CDYL: variants seen among roughly 807,000 people sequenced by gnomAD.
The protein encoded by CDYL is chromodomain Y-like protein.
A neutral mutation model predicts 47.3 loss-of-function variants in CDYL; 8 were observed. The observed-to-expected ratio is 0.17, with a 90% CI of 0.10 to 0.31. The LOEUF (loss-of-function observed/expected upper bound fraction) is 0.31, where lower values mean the gene tolerates loss of function less well. Among genes scored for constraint, CDYL ranks in the 10% least tolerant of loss-of-function variants. The pLI is 1.00. For missense variants in CDYL, 471 were observed against 701.4 expected, an observed-to-expected ratio of 0.67 and a Z score of 3.71; for synonymous variants, 266 against 265.0, an observed-to-expected ratio of 1.00 and a Z score of -0.04.
rs1220969716 is a variant in CDYL at position 4,788,480 on chromosome 6, C to CAAAAAAAAAAAAAAAAA, written c.24+11679_24+11695dup. 2.5e-3 allele frequency among the ~76,000 whole-genome samples: 153 copies of CAAAAAAAAAAAAAAAAA among 61,062 alleles called. 6 individuals are homozygous for CAAAAAAAAAAAAAAAAA. The highest frequency in any genetic ancestry group is 3.3e-3 in the Non-Finnish European group (118 of 36,226). 40.1% of individuals were successfully genotyped at this position (61,062 alleles called of 152,430 possible). Reference sequence around the variant, plus strand: ...CCTGGGTGACAGAGTGAGACTCTGTCAAAAAAAAAAAAAAAAAAAAAAGGC... The same window carrying CAAAAAAAAAAAAAAAAA: ...CCTGGGTGACAGAGTGAGACTCTGTCAAAAAAAAAAAAAAAAAAAAAAAAAAAAAAAAAAAAAAAGGC... On this transcript the variant is annotated intron_variant, in intron 1 of 6. Coordinates refer to ENST00000397588, the MANE Select transcript of CDYL (RefSeq NM_004824.4).
intron 1 of CDYL, among the ~76,000 whole-genome samples, chr6:4,855,490 G>A (rs139457130): frequency 6.6e-6 from 1 of 152,210 alleles, no homozygotes; most frequent in East Asian, 1.9e-4. Flanking sequence ...TTTAAGCCCA[G>A]GGTCCCTTCT....
At chr6:4,775,623 G>A (rs1038809859), upstream of CDYL, among the ~76,000 whole-genome samples, 1 of 151,334 alleles carries the variant, frequency 6.6e-6, no homozygotes, top group African/African-American at 2.4e-5. This position sits in a 1 kb window ranked among gnomAD's most constrained non-coding sequence, Gnocchi z 7.0. Context: ...AGGCAGCCGC[G>A]CCCTCGCGCC....
intron 5 of CDYL, among the ~76,000 whole-genome samples, chr6:4,944,021 C>G (rs754236639): frequency 2.3e-4 from 35 of 152,270 alleles, no homozygotes; most frequent in Middle Eastern, 3.4e-3. Flanking sequence ...AGTAACCCAA[C>G]CAACAATTTG....
chr6:4,725,102 G>A (rs577084123), intron 2 of CDYL, among the ~76,000 whole-genome samples: 49 of 152,278 alleles, frequency 3.2e-4, no homozygotes, highest in African/African-American at 1.2e-3. Flanking sequence ...GTCGATTGCT[G>A]CATTCACAAA....
chr6:4,942,720 A>T (rs1377473852), intron 4 of CDYL, among the ~76,000 whole-genome samples: 1 of 152,186 alleles, frequency 6.6e-6, no homozygotes, highest in Admixed American at 6.5e-5. Context: ...AAAGCAGCCT[A>T]CTTTTCCAGC....
At chr6:4,849,354 T>A (rs1352511680) in intron 1 of CDYL, among the ~76,000 whole-genome samples, 2 of 152,180 alleles carry the variant, frequency 1.3e-5, no homozygotes, top group Admixed American at 6.5e-5. Context: ...TTTGGCAAAA[T>A]GAGTCTTTAT....
At chr6:4,828,019 A>T (rs551103816) in intron 1 of CDYL, among the ~76,000 whole-genome samples, 1 of 152,170 alleles carries the variant, frequency 6.6e-6, no homozygotes, top group African/African-American at 2.4e-5. Flanking sequence ...ATACAGTACT[A>T]CTGGCTTTTA....
At position 4,935,519 on chromosome 6, in the gene CDYL, A is replaced by G. The variant is rs776176094; in HGVS notation, c.696A>G (p.Thr232=). ...ATGLAVNGKG[T]SPFMDALTAN... is the part of the protein sequence containing the mutation. ...GTGATTTCAAACTCTCGGCAGGTAC[A>G]TCTCCGTTCATGGATGCATTAACAG... Residue 232 remains threonine (T), a synonymous_variant, in exon 3 of 7, where the codon ACA becomes ACG. Coordinates refer to ENST00000397588, the MANE Select transcript of CDYL (RefSeq NM_004824.4). 8 of 1,613,928 alleles carry G rather than the reference A, an allele frequency of 5.0e-6. No individual in the cohort carries two copies. In the Admixed American group the frequency reaches 8.3e-5, roughly 17 times the overall value.
intron 3 of CDYL, among the ~76,000 whole-genome samples, chr6:4,765,643 A>C (rs1758241442): frequency 6.6e-6 from 1 of 151,498 alleles, no homozygotes; most frequent in Non-Finnish European, 1.5e-5. Flanking sequence ...AGCTCTCTGC[A>C]ACCTCTGCCT....
chr6:4,943,945 A>G, intron 5 of CDYL, 189 bp downstream of exon 5: 1 of 501,424 alleles, frequency 2.0e-6, no homozygotes, highest in East Asian at 3.0e-5. Flanking sequence ...GAAGGACTTC[A>G]TTCACTGAGG....
intron 3 of CDYL, among the ~76,000 whole-genome samples, chr6:4,744,068 C>G (rs1757843326): frequency 6.6e-6 from 1 of 152,082 alleles, no homozygotes; most frequent in Admixed American, 6.6e-5. Context: ...ACCCAGAAGT[C>G]TGCAGAGGCT....
chr6:4,834,670 T>G (rs1475338347), intron 1 of CDYL, among the ~76,000 whole-genome samples: 2 of 152,174 alleles, frequency 1.3e-5, no homozygotes, highest in Non-Finnish European at 2.9e-5. Flanking sequence ...GCAGAGTGTT[T>G]TCCAACTTGA....
chr6:4,904,833 G>C (rs528800458), intron 2 of CDYL, among the ~76,000 whole-genome samples: 3 of 152,176 alleles, frequency 2.0e-5, no homozygotes, highest in Non-Finnish European at 4.4e-5. Context: ...CTTAGGACCC[G>C]TGTTAGCCAC....
intron 3 of CDYL, among the ~76,000 whole-genome samples, chr6:4,737,421 G>C (rs929401586): frequency 1.3e-5 from 2 of 152,136 alleles, no homozygotes; most frequent in African/African-American, 4.8e-5. Context: ...GGGAGGCTGA[G>C]GCGGGTGAAT....
intron 1 of CDYL, chr6:4,836,171 C>T (rs539412269): frequency 9.9e-5 from 36 of 363,026 alleles, no homozygotes; most frequent in Middle Eastern, 1.3e-3. Flanking sequence ...TCTTCTGCGT[C>T]GCTCACGCTG....
intron 1 of CDYL, among the ~76,000 whole-genome samples, chr6:4,877,159 T>C (rs2127476031): frequency 6.6e-6 from 1 of 152,338 alleles, no homozygotes; most frequent in South Asian, 2.1e-4. Flanking sequence ...TATTTTGTTA[T>C]AGTGGTCCAA....
chr6:4,773,959 C>T (rs1758377334), upstream of CDYL, among the ~76,000 whole-genome samples: 1 of 152,138 alleles, frequency 6.6e-6, no homozygotes, highest in Non-Finnish European at 1.5e-5. This position sits in a 1 kb window ranked among gnomAD's most constrained non-coding sequence, Gnocchi z 4.6. Context: ...TGGGGAAAAT[C>T]GCCTTACTAG....
intron 2 of CDYL, among the ~76,000 whole-genome samples, chr6:4,919,317 AGAAG>A (rs1757645053): frequency 6.6e-6 from 1 of 152,076 alleles, no homozygotes; most frequent in Admixed American, 6.5e-5. Context: ...AAAAAAAAAA[AGAAG>A]TAAGAGTTTG....
At chr6:4,852,035 C>T (rs1489430625) in intron 1 of CDYL, among the ~76,000 whole-genome samples, 1 of 152,084 alleles carries the variant, frequency 6.6e-6, no homozygotes, top group Non-Finnish European at 1.5e-5. Context: ...TTTCTCTTTC[C>T]CTTGCTCTTC....
Sources: allele counts gnomAD v4.1 joint callset (sites outside exome capture counted in the v4.1 genomes callset), GRCh38; gene constraint gnomAD v4.1.1; non-coding constraint Gnocchi (gnomAD v3.1); transcripts MANE v1.5; gene names NCBI Gene and HGNC (gene_info 2026-07-23, HGNC 2026-07-21).